Variants in RYK observed in about 807,000 individuals in gnomAD.
RYK encodes receptor like tyrosine kinase.
A neutral mutation model predicts 70.2 loss-of-function variants in RYK; 21 were observed. The observed-to-expected ratio is 0.30, with a 90% CI of 0.21 to 0.43. RYK has a LOEUF of 0.43. RYK is among the 20% of genes least tolerant of loss of function. The pLI is 1.00. For missense variants in RYK, 604 were observed against 753.3 expected, an observed-to-expected ratio of 0.80 and a Z score of 2.32; for synonymous variants, 267 against 278.0, an observed-to-expected ratio of 0.96 and a Z score of 0.39.
intron 2 of RYK, among the ~76,000 whole-genome samples, chr3:134,221,701 T>C (rs186701591): frequency 6.6e-6 from 1 of 152,298 alleles, no homozygotes; most frequent in East Asian, 1.9e-4. Flanking sequence ...TTCTTATTTA[T>C]AGTAGCAAGA....
intron 13 of RYK, among the ~76,000 whole-genome samples, chr3:134,175,271 A>G (rs1560003140): frequency 6.6e-6 from 1 of 151,558 alleles, no homozygotes; most frequent in Admixed American, 6.6e-5. Flanking sequence ...TGAACCTGGT[A>G]GGCAGAGGTT....
intron 11 of RYK, among the ~76,000 whole-genome samples, chr3:134,177,013 T>G (rs1383825925): frequency 6.6e-6 from 1 of 151,860 alleles, no homozygotes; most frequent in Non-Finnish European, 1.5e-5. Flanking sequence ...GCCACTGCAC[T>G]CTAGCCTGGG....
At chr3:134,193,350 A>AT (rs1300058540) in intron 7 of RYK, among the ~76,000 whole-genome samples, 2 of 151,804 alleles carry the variant, frequency 1.3e-5, no homozygotes. Flanking sequence ...CACCCAGCTA[A>AT]TTTTTTGTAT....
intron 1 of RYK, among the ~76,000 whole-genome samples, chr3:134,243,159 C>T (rs1405441867): frequency 2.6e-5 from 4 of 152,090 alleles, no homozygotes; most frequent in African/African-American, 7.2e-5. Flanking sequence ...TTTTTCTTTC[C>T]CTTGACCAAC....
At chr3:134,176,778 C>T (rs10804628) in intron 11 of RYK, among the ~76,000 whole-genome samples, 12,222 of 151,990 alleles carry the variant, frequency 0.08, 1,073 homozygotes, top group South Asian at 0.31. Flanking sequence ...CAGCTGGGTG[C>T]GGTGGCTCAC....
intron 9 of RYK, among the ~76,000 whole-genome samples, chr3:134,186,335 A>G (rs930844042): frequency 1.3e-5 from 2 of 152,366 alleles, no homozygotes; most frequent in East Asian, 1.9e-4. Flanking sequence ...GCTTATGCCT[A>G]AAGGCAAAGG....
chr3:134,245,982 CAAAGA>C (rs998741341), intron 1 of RYK, among the ~76,000 whole-genome samples: 2 of 151,534 alleles, frequency 1.3e-5, no homozygotes, highest in Non-Finnish European at 2.9e-5. Flanking sequence ...CTTAAACAAA[CAAAGA>C]AAAGATCCCT....
At chr3:134,180,057 G>A (rs2013243646) in intron 10 of RYK, 1 of 152,154 alleles carries the variant, frequency 6.6e-6, no homozygotes. Flanking sequence ...CTATAGTGAA[G>A]AAAGAAGGTA....
chr3:134,229,400 G>T (rs1455544043), intron 1 of RYK, among the ~76,000 whole-genome samples: 2 of 126,874 alleles, frequency 1.6e-5, no homozygotes, highest in Non-Finnish European at 3.2e-5. Flanking sequence ...AAAAAAAAAC[G>T]TAGGATAGAA....
chr3:134,191,764 T>C (rs2013646892), intron 8 of RYK, 85 bp downstream of exon 8: 2 of 1,078,878 alleles, frequency 1.9e-6, no homozygotes, highest in Non-Finnish European at 1.3e-6. Flanking sequence ...CAAAATGAGA[T>C]GAAATTTTTT....
At chr3:134,237,378 T>C (rs2107693637) in intron 1 of RYK, among the ~76,000 whole-genome samples, 1 of 152,324 alleles carries the variant, frequency 6.6e-6, no homozygotes, top group South Asian at 2.1e-4. Flanking sequence ...TCCTATTACC[T>C]TGCACATCTC....
rs188443208 is a variant in RYK at position 134,177,510 on chromosome 3, C to T, written c.1305+431G>A. Among the ~76,000 whole-genome samples, 11 of 152,270 alleles carry T rather than the reference C, an allele frequency of 7.2e-5. No homozygotes were observed. The East Asian group carries it at 1.5e-3, about 21-fold the overall frequency. ...TTAGATGACTGCCATCTTACAGCCA[C>T]GCATATTAACAATACATCCAATTAT... On this transcript the variant is annotated intron_variant, in intron 11 of 14. Coordinates refer to ENST00000623711, the MANE Select transcript of RYK (RefSeq NM_002958.4).
rs568832688 is a variant in RYK, at chr3:134,235,668, T to C, written c.233-13129A>G. 1.1e-4 allele frequency among the ~76,000 whole-genome samples: 17 copies of C among 152,218 alleles called. No individual in the cohort carries two copies. In the South Asian group the frequency reaches 3.3e-3, roughly 30 times the overall value. On this transcript the variant is annotated intron_variant, in intron 1 of 14. Transcript: ENST00000623711. ...GTTTCTAATTACTATTAATTATTAG[T>C]GTTTCAAATACGACAACAGCAATCA...
At chr3:134,213,152 AC>A (rs2014452845) in intron 2 of RYK, among the ~76,000 whole-genome samples, 1 of 152,194 alleles carries the variant, frequency 6.6e-6, no homozygotes, top group Admixed American at 6.5e-5. Context: ...CTCCAGCAAT[AC>A]ATCAAAGAAT....
Position 134,237,080 on chromosome 3 carries a change from G to C in RYK, c.232+13343C>G, listed in dbSNP as rs550493319. ...AAGCTAAAAAACCAAAGTTATTCTTGCAAAACTCTTAAGGCTTATCAAAAA... is the reference window on the plus strand; with the variant it reads ...AAGCTAAAAAACCAAAGTTATTCTTCCAAAACTCTTAAGGCTTATCAAAAA... On this transcript the variant is annotated intron_variant, in intron 1 of 14. Coordinates refer to ENST00000623711, the MANE Select transcript of RYK (RefSeq NM_002958.4). 1.2e-4 allele frequency among the ~76,000 whole-genome samples: 18 copies of C among 152,114 alleles called. No homozygotes were observed. The South Asian group carries it at 1.2e-3, about 11-fold the overall frequency.
Position 134,243,682 on chromosome 3 carries a change from T to C in RYK, c.232+6741A>G, listed in dbSNP as rs556393857. On this transcript the variant is annotated intron_variant, in intron 1 of 14. Transcript: ENST00000623711. The stretch of plus-strand genomic sequence containing the variant: ...TTCACACTACTTTCTCAGCCTGGTA[T>C]GAACTGCTCTTTTCTGCCTATCAAA... Among the ~76,000 whole-genome samples, 15 of 152,334 alleles carry C rather than the reference T, an allele frequency of 9.8e-5. No individual in the cohort carries two copies. The East Asian group carries it at 2.9e-3, about 29-fold the overall frequency.
chr3:134,188,980 A>T (rs2013559729), intron 8 of RYK, 57 bp from the exon 9 acceptor site: 1 of 1,027,626 alleles, frequency 9.7e-7, no homozygotes, highest in African/African-American at 1.6e-5. Context: ...ATTATAGTAC[A>T]AAACTTTCTG....
intron 7 of RYK, among the ~76,000 whole-genome samples, chr3:134,194,246 C>T (rs2013741701): frequency 6.6e-6 from 1 of 152,216 alleles, no homozygotes; most frequent in Non-Finnish European, 1.5e-5. Flanking sequence ...AAGGTATTCA[C>T]TGGAGCCTTA....
At chr3:134,204,788 T>G (rs2014163593) in intron 5 of RYK, among the ~76,000 whole-genome samples, 1 of 152,122 alleles carries the variant, frequency 6.6e-6, no homozygotes, top group South Asian at 2.1e-4. Context: ...ACTTGAGGCA[T>G]TTGGGGTTTA....
Sources: allele counts gnomAD v4.1 joint callset (sites outside exome capture counted in the v4.1 genomes callset), GRCh38; gene constraint gnomAD v4.1.1; transcripts MANE v1.5; gene names NCBI Gene and HGNC (gene_info 2026-07-23, HGNC 2026-07-21).